Variants in TTBK2 observed in about 807,000 individuals in gnomAD.
TTBK2 encodes tau-tubulin kinase 2.
In TTBK2, 28 loss-of-function variants were observed where a neutral mutation model predicts 110.8. That is an observed-to-expected ratio of 0.25 (90% CI 0.19 to 0.35). TTBK2 has a LOEUF of 0.35. Ranked by LOEUF, TTBK2 falls within the 10% of genes least tolerant of loss-of-function variation. TTBK2 has a pLI of 1.00. For synonymous variants in TTBK2, 532 were observed against 527.3 expected (o/e 1.01, Z -0.12); for missense variants, 1,369 against 1,500.3 (o/e 0.91, Z 1.45).
intron 6 of TTBK2, among the ~76,000 whole-genome samples, chr15:42,825,567 T>C (rs1462704833): frequency 6.6e-6 from 1 of 151,772 alleles, no homozygotes; most frequent in African/African-American, 2.4e-5. Context: ...AAAAAGAAAT[T>C]AGCTGGGTGT....
chr15:42,765,219 A>T (rs182230918), intron 13 of TTBK2, among the ~76,000 whole-genome samples: 4 of 152,348 alleles, frequency 2.6e-5, no homozygotes, highest in Non-Finnish European at 5.9e-5. Context: ...CCTCCAAAGG[A>T]TTGCAGCTCC....
Position 42,775,173 on chromosome 15 carries a change from T to C in TTBK2, c.1960A>G (p.Ser654Gly). 6.2e-7 allele frequency: 1 copy of C among 1,614,130 alleles called. No individual in the cohort carries two copies. Among genetic ancestry groups the C allele is most frequent in the South Asian group, 1.1e-5 (1 of 91,086 alleles). The change falls in exon 13 of 15, where the codon AGT (serine) becomes GGT (glycine). Residue 654 changes from serine (S) to glycine (G), a missense_variant. By Grantham distance (56) the Ser-to-Gly change is moderately conservative (BLOSUM62 0). Coordinates refer to ENST00000267890, the MANE Select transcript of TTBK2 (RefSeq NM_173500.4). ...CCTTCTGCCTGCGCCTCCATTAGACTTGTGGGCGTCGCTGCAATAAACTGA... is the reference window on the plus strand; with the variant it reads ...CCTTCTGCCTGCGCCTCCATTAGACCTGTGGGCGTCGCTGCAATAAACTGA... ...ASQFIAATPT[S>G]LMEAQAEGPL...
intron 1 of TTBK2, among the ~76,000 whole-genome samples, chr15:42,890,921 T>G (rs985574171): frequency 2.0e-5 from 3 of 152,126 alleles, no homozygotes; most frequent in Non-Finnish European, 1.5e-5. Context: ...CAGGATGGAG[T>G]GCACTGGCGC....
chr15:42,822,798 CAG>C (rs1892359612), intron 6 of TTBK2, among the ~76,000 whole-genome samples: 1 of 152,060 alleles, frequency 6.6e-6, no homozygotes, highest in East Asian at 1.9e-4. Context: ...AAGGAGAAGA[CAG>C]AGAGATGAGT....
chr15:42,886,119 G>C (rs894289315), intron 1 of TTBK2, among the ~76,000 whole-genome samples: 1 of 151,968 alleles, frequency 6.6e-6, no homozygotes, highest in Non-Finnish European at 1.5e-5. Context: ...TGTTCCTTCA[G>C]TCTCCACCCC....
At position 42,816,085 on chromosome 15, in the gene TTBK2, AATATATATATATAT is replaced by A. The variant is rs71431870; in HGVS notation, c.603+933_603+946del. Among the ~76,000 whole-genome samples, 108 of 67,450 alleles carry A rather than the reference AATATATATATATAT, an allele frequency of 1.6e-3. 1 individual carries two copies. Among genetic ancestry groups the A allele is most frequent in the Admixed American group, 4.5e-4 (2 of 4,474 alleles). 44.2% of individuals were successfully genotyped at this position (67,450 alleles called of 152,430 possible). On this transcript the variant is annotated intron_variant, in intron 7 of 14. Transcript: ENST00000267890. ...ATATATATATAAAAATAAATAAATA[AATATATATATATAT>A]ATATATATATATATATATATGTGTA...
At chr15:42,872,068 T>G (rs1157651716) in intron 3 of TTBK2, among the ~76,000 whole-genome samples, 1 of 152,134 alleles carries the variant, frequency 6.6e-6, no homozygotes, top group Non-Finnish European at 1.5e-5. Flanking sequence ...ATTCTTGTAA[T>G]AAAAACAAAT....
chr15:42,905,507 T>G (rs1280864796), intron 1 of TTBK2, among the ~76,000 whole-genome samples: 1 of 152,126 alleles, frequency 6.6e-6, no homozygotes, highest in East Asian at 1.9e-4. Context: ...TCTTCCCAAC[T>G]CGGCTTCCCA....
At chr15:42,757,106 AATT>A (rs1007860483) in intron 13 of TTBK2, among the ~76,000 whole-genome samples, 1 of 151,636 alleles carries the variant, frequency 6.6e-6, no homozygotes, top group Non-Finnish European at 1.5e-5. Flanking sequence ...ATCATTTTTT[AATT>A]ATTATTATTA....
chr15:42,812,692 T>C (rs1595937542), intron 7 of TTBK2, among the ~76,000 whole-genome samples: 1 of 152,112 alleles, frequency 6.6e-6, no homozygotes, highest in Non-Finnish European at 1.5e-5. Context: ...AATAGAATTA[T>C]AGGATACGAA....
Position 42,745,875 on chromosome 15 carries a change from A to C in TTBK2, c.3655T>G (p.Ser1219Ala). ...GCTGAGTGGTGGTGGAGGCTGCCGG[A>C]TCCTTTCAGGCCATTCTTGCTGGGT... ...CKPSKNGLKGSGSLHHHSAST... is the reference protein window; with the variant it reads ...CKPSKNGLKGAGSLHHHSAST... Residue 1219 changes from serine (S) to alanine (A), a missense_variant, in exon 15 of 15, where the codon TCC becomes GCC. Ser to Ala is a moderately conservative substitution (Grantham distance 99). This residue lies in a region of TTBK2 where 1,097 missense variants were observed against 1,114.7 expected (regional missense o/e 0.98). Transcript: ENST00000267890. 2 of 1,614,016 alleles carry C rather than the reference A, an allele frequency of 1.2e-6. No homozygotes were observed. Among genetic ancestry groups the C allele is most frequent in the Middle Eastern group, 1.6e-4 (1 of 6,062 alleles).
intron 3 of TTBK2, among the ~76,000 whole-genome samples, chr15:42,868,148 T>G (rs1567068503): frequency 6.6e-6 from 1 of 152,176 alleles, no homozygotes; most frequent in African/African-American, 2.4e-5. Context: ...CAGAGGATTT[T>G]TAGGGCAGTA....
intron 9 of TTBK2, among the ~76,000 whole-genome samples, chr15:42,804,328 C>A (rs1374621760): frequency 6.6e-6 from 1 of 151,612 alleles, no homozygotes; most frequent in Non-Finnish European, 1.5e-5. Context: ...CCTGTAATCC[C>A]AGCTACTTGG....
At chr15:42,797,844 G>A (rs1416864185) in intron 9 of TTBK2, among the ~76,000 whole-genome samples, 1 of 151,740 alleles carries the variant, frequency 6.6e-6, no homozygotes, top group African/African-American at 2.4e-5. Flanking sequence ...TGTTAAATTT[G>A]AATAGTCCTC....
intron 3 of TTBK2, among the ~76,000 whole-genome samples, chr15:42,847,230 T>C (rs928098793): frequency 3.3e-5 from 5 of 152,232 alleles, no homozygotes; most frequent in African/African-American, 1.2e-4. Flanking sequence ...TAACACTCTA[T>C]ATCTTCTTTG....
chr15:42,844,196 G>A (rs1893356729), intron 3 of TTBK2, among the ~76,000 whole-genome samples: 2 of 152,078 alleles, frequency 1.3e-5, no homozygotes, highest in African/African-American at 2.4e-5. Context: ...CACAATACCT[G>A]GCACAGTAAA....
At position 42,829,388 on chromosome 15, in the gene TTBK2, C is replaced by G. The variant is rs80103262; in HGVS notation, c.432+550G>C. Among the ~76,000 whole-genome samples the G allele has an allele frequency of 2.0e-5, 3 of 152,264 alleles. No individual in the cohort carries two copies. In the East Asian group the frequency reaches 5.8e-4, roughly 29 times the overall value. On this transcript the variant is annotated intron_variant, in intron 5 of 14. Coordinates refer to ENST00000267890, the MANE Select transcript of TTBK2 (RefSeq NM_173500.4). ...ATAATTTTTGACTTAACAAATAGTT[C>G]AAGAACACAGTATGAACAACTAAAA...
intron 1 of TTBK2, among the ~76,000 whole-genome samples, chr15:42,888,322 C>T (rs145269978): frequency 6.6e-6 from 1 of 152,112 alleles, no homozygotes; most frequent in Non-Finnish European, 1.5e-5. Context: ...CTGGCCCGGA[C>T]TTCAATCCAT....
intron 4 of TTBK2, among the ~76,000 whole-genome samples, chr15:42,834,371 C>T (rs1338529249): frequency 2.6e-5 from 4 of 152,136 alleles, no homozygotes; most frequent in Admixed American, 2.6e-4. Flanking sequence ...ATGACCAACT[C>T]ACTTTCAACA....
Sources: gnomAD v4.1 joint callset for allele counts (sites outside exome capture counted in the v4.1 genomes callset) on GRCh38, gnomAD v4.1.1 for gene constraint, gnomAD v4.1.1 regional missense constraint, MANE v1.5 for transcripts, NCBI Gene and HGNC (gene_info 2026-07-23, HGNC 2026-07-21) for gene names.